TAPT1: variants seen among roughly 807,000 people sequenced by gnomAD.
The protein encoded by TAPT1 is transmembrane anterior posterior transformation 1.
Under a neutral mutation model 65.6 loss-of-function variants are expected in TAPT1, and 28 were observed. That is an observed-to-expected ratio of 0.43 (90% confidence interval 0.32 to 0.59). TAPT1 has a LOEUF of 0.59. Among genes scored for constraint, TAPT1 ranks in the 20% least tolerant of loss-of-function variants. The pLI is 0.09. For missense variants in TAPT1, 563 were observed against 679.9 expected, an observed-to-expected ratio of 0.83 and a Z score of 1.91; for synonymous variants, 278 against 245.2, an observed-to-expected ratio of 1.13 and a Z score of -1.25.
Position 16,226,286 on chromosome 4 carries a change from G to T in TAPT1, c.172C>A (p.Arg58=). 1 of 1,127,584 alleles carries T rather than the reference G, an allele frequency of 8.9e-7. No homozygotes were observed. Among genetic ancestry groups the T allele is most frequent in the Non-Finnish European group, 1.1e-6 (1 of 921,926 alleles). The allele number at this position is 1,127,584 out of a possible 1,614,324, so 69.8% of individuals were successfully genotyped here. Residue 58 remains arginine (R), a synonymous_variant, in exon 1 of 14, where the codon CGG becomes AGG. Coordinates refer to ENST00000405303, the MANE Select transcript of TAPT1 (RefSeq NM_153365.3). ...ETLGFYESDR[R]RERRRGRTEL... is the part of the protein sequence containing the mutation. ...GTGCGGCCCCGGCGCCTCTCCCGCCGCCGGTCGCTCTCGTAGAAGCCCAGC... is the reference window on the plus strand; with the variant it reads ...GTGCGGCCCCGGCGCCTCTCCCGCCTCCGGTCGCTCTCGTAGAAGCCCAGC...
At chr4:16,221,234 C>A (rs1169959331) in intron 1 of TAPT1, among the ~76,000 whole-genome samples, 3 of 152,090 alleles carry the variant, frequency 2.0e-5, no homozygotes, top group African/African-American at 4.8e-5. Context: ...TCCAGCAATT[C>A]CCCTGGCTCA....
rs1295866117 is a variant in TAPT1 at position 16,166,953 on chromosome 4, C to T, written c.1314-160G>A. The stretch of plus-strand genomic sequence containing the variant: ...ACAAATCTTGAGTTTTCTGAGGCCT[C>T]CTTGTCACAAAGAAAAACTTCGGAA... On this transcript the variant is annotated intron_variant, in intron 12 of 13. Transcript: ENST00000405303. 9.1e-6 allele frequency: 5 copies of T among 549,558 alleles called. 1 individual carries two copies. Among genetic ancestry groups the T allele is most frequent in the East Asian group, 5.8e-5 (2 of 34,240 alleles). 34.0% of individuals were successfully genotyped at this position (549,558 alleles called of 1,614,324 possible). A position where few individuals can be genotyped will look rare whatever the true frequency, so the allele number is the denominator to read the frequency against.
At chr4:16,196,301 C>T (rs975935518) in intron 3 of TAPT1, among the ~76,000 whole-genome samples, 1 of 152,110 alleles carries the variant, frequency 6.6e-6, no homozygotes, top group African/African-American at 2.4e-5. Flanking sequence ...ATTTATAAAG[C>T]TATGTTCACA....
intron 3 of TAPT1, among the ~76,000 whole-genome samples, chr4:16,197,949 A>C (rs1749813619): frequency 6.6e-6 from 1 of 152,206 alleles, no homozygotes; most frequent in Non-Finnish European, 1.5e-5. Flanking sequence ...TCTTGAGATC[A>C]CTGAGGACAG....
intron 1 of TAPT1, chr4:16,214,462 A>T (rs1021259967): frequency 2.3e-4 from 35 of 152,162 alleles, no homozygotes; most frequent in African/African-American, 8.0e-4. Context: ...GCGAAGTGCA[A>T]CCTCAACCGG....
intron 1 of TAPT1, 58 bp downstream of exon 1, chr4:16,226,201 C>A: frequency 9.2e-7 from 1 of 1,088,716 alleles, no homozygotes; most frequent in Non-Finnish European, 1.1e-6. Context: ...GCCCCCGCCG[C>A]CCTCGGTCCC....
At chr4:16,190,109 A>C (rs547787761) in intron 4 of TAPT1, 5 of 152,178 alleles carry the variant, frequency 3.3e-5, no homozygotes. Context: ...TGGTTTTAAA[A>C]CATCTTGGTC....
At position 16,179,401 on chromosome 4, in the gene TAPT1, G is replaced by C. The variant is rs1748566961; in HGVS notation, c.997+176C>G. The C allele has an allele frequency of 3.9e-5, 19 of 491,814 alleles. No homozygotes were observed. The South Asian group carries it at 6.4e-4, about 16-fold the overall frequency. The allele number at this position is 491,814 out of a possible 1,614,324, so 30.5% of individuals were successfully genotyped here. Reference sequence around the variant, plus strand: ...CTTATGGGACCACCATCGTATATGTGGTCTATTGTTGACTGAAGGTCATTA... The same window carrying C: ...CTTATGGGACCACCATCGTATATGTCGTCTATTGTTGACTGAAGGTCATTA... On this transcript the variant is annotated intron_variant, in intron 8 of 13. Coordinates refer to ENST00000405303, the MANE Select transcript of TAPT1 (RefSeq NM_153365.3).
intron 13 of TAPT1, among the ~76,000 whole-genome samples, chr4:16,165,394 C>A (rs1352735261): frequency 6.6e-6 from 1 of 151,848 alleles, no homozygotes; most frequent in African/African-American, 2.4e-5. Context: ...CATGGTGAAA[C>A]CCCGTCTCTA....
At position 16,170,831 on chromosome 4, in the gene TAPT1, C is replaced by T. The variant is rs1747945415; in HGVS notation, c.1237-102G>A. The T allele has an allele frequency of 1.2e-5, 10 of 833,300 alleles. No homozygotes were observed. In the South Asian group the frequency reaches 1.7e-4, roughly 14 times the overall value. The allele number at this position is 833,300 out of a possible 1,614,324, so 51.6% of individuals were successfully genotyped here. ...AAAGATTTCTCCATGCTGACTTTAA[C>T]ATTTTAGGCATATATCTATGGCCTT... On this transcript the variant is annotated intron_variant, in intron 11 of 13. Coordinates refer to ENST00000405303, the MANE Select transcript of TAPT1 (RefSeq NM_153365.3).
At position 16,163,501 on chromosome 4, in the gene TAPT1, G is replaced by C. The variant is rs768802773; in HGVS notation, c.1511C>G (p.Thr504Ser). Residue 504 changes from threonine (T) to serine (S), a missense_variant, in exon 14 of 14, where the codon ACC becomes AGC. Transcript: ENST00000405303. The stretch of plus-strand genomic sequence containing the variant: ...TTCCTTTTGATGAATAGGTTGTTTG[G>C]TGATGGAGGCAGACAGGTTTTCTTC... The part of the protein sequence containing the change: ...STEENLSASI[T>S]KQPIHQKENI... The C allele has an allele frequency of 1.2e-6, 2 of 1,613,840 alleles. No homozygotes were observed. The highest frequency in any genetic ancestry group is 1.3e-5 in the African/African-American group (1 of 74,918).
chr4:16,180,040 AGACTTTG>A (rs1251295812), intron 7 of TAPT1, among the ~76,000 whole-genome samples: 1 of 152,168 alleles, frequency 6.6e-6, no homozygotes, highest in Non-Finnish European at 1.5e-5. Flanking sequence ...GTAAAATGAA[AGACTTTG>A]GGTAACAAAA....
chr4:16,176,072 C>A, intron 9 of TAPT1, 47 bp downstream of exon 9: 3 of 899,022 alleles, frequency 3.3e-6, no homozygotes, highest in South Asian at 3.7e-5. Context: ...AAAAATTAAG[C>A]AACAGAAGTA....
rs76334899 is a variant in TAPT1, at chr4:16,191,617, G to A, written c.450-94C>T. The A allele has an allele frequency of 4.7e-3, 5,850 of 1,250,652 alleles. 212 individuals carry two copies. The African/African-American group carries it at 0.078, about 17-fold the overall frequency. 77.5% of individuals were successfully genotyped at this position (1,250,652 alleles called of 1,614,324 possible). ...TACTCGATATACACTGGCATACAAA[G>A]GTAAAAATAAGAATTATGTTGATCT... On this transcript the variant is annotated intron_variant, in intron 3 of 13. Transcript: ENST00000405303.
chr4:16,168,681 T>C (rs1747798459), intron 12 of TAPT1, among the ~76,000 whole-genome samples: 1 of 152,276 alleles, frequency 6.6e-6, no homozygotes, highest in South Asian at 2.1e-4. Context: ...TTCTTCCTAA[T>C]GATTCCTACC....
Position 16,226,453 on chromosome 4 carries a change from G to T in TAPT1, c.5C>A (p.Ala2Glu), listed in dbSNP as rs1302327888. Reference sequence around the variant, plus strand: ...CGGAGCGGCCGCGTCGCCGACGCCCGCCATGTTCCGAGCACAACAAACTGT... The same window carrying T: ...CGGAGCGGCCGCGTCGCCGACGCCCTCCATGTTCCGAGCACAACAAACTGT... M[A>E]GVGDAAAPGE... is the part of the protein sequence containing the mutation. Residue 2 changes from alanine to glutamate, a missense_variant, in exon 1 of 14, where the codon GCG becomes GAG. Physicochemically the swap from Ala to Glu is moderately radical, Grantham distance 107. Transcript: ENST00000405303. 6 of 1,063,598 alleles carry T rather than the reference G, an allele frequency of 5.6e-6. No individual in the cohort carries two copies. Among genetic ancestry groups the T allele is most frequent in the Non-Finnish European group, 6.8e-6 (6 of 882,518 alleles). The allele number at this position is 1,063,598 out of a possible 1,614,324, so 65.9% of individuals were successfully genotyped here. A position where few individuals can be genotyped will look rare whatever the true frequency, so the allele number is the denominator to read the frequency against.
chr4:16,223,827 G>C (rs1282728265), intron 1 of TAPT1, among the ~76,000 whole-genome samples: 1 of 152,154 alleles, frequency 6.6e-6, no homozygotes, highest in Non-Finnish European at 1.5e-5. Flanking sequence ...CAGATGGAAA[G>C]AGTTTGGATA....
intron 13 of TAPT1, 76 bp downstream of exon 13, chr4:16,166,557 T>C (rs1747634224): frequency 1.9e-6 from 3 of 1,544,738 alleles, no homozygotes; most frequent in Admixed American, 3.5e-5. Context: ...CTTTAAAGCG[T>C]TGCTTAACAT....
intron 1 of TAPT1, chr4:16,226,031 G>C (rs988788987): frequency 1.0e-4 from 103 of 1,005,932 alleles, no homozygotes; most frequent in Non-Finnish European, 1.2e-4. Flanking sequence ...CACCTGGCCT[G>C]GCGCGGCCGC....
Sources: allele counts gnomAD v4.1 joint callset (sites outside exome capture counted in the v4.1 genomes callset), GRCh38; gene constraint gnomAD v4.1.1; transcripts MANE v1.5; gene names NCBI Gene and HGNC (gene_info 2026-07-23, HGNC 2026-07-21).